Variants in NDUFS4 observed in about 807,000 individuals in gnomAD.
NDUFS4 encodes the protein NADH:ubiquinone oxidoreductase subunit S4, also known as NADH dehydrogenase [ubiquinone] iron-sulfur protein 4, mitochondrial.
Under a neutral mutation model 24.3 loss-of-function variants are expected in NDUFS4, and 28 were observed. The observed-to-expected ratio is 1.15, with a 90% CI of 0.85 to 1.58. NDUFS4 has a LOEUF of 1.58. Among genes scored for constraint, NDUFS4 ranks in the 40% most tolerant of loss-of-function variants. The pLI, the probability that NDUFS4 is intolerant of heterozygous loss-of-function variation, is 0.00. For missense variants in NDUFS4, 223 were observed against 207.9 expected (o/e 1.07, Z -0.45); for synonymous variants, 93 against 69.7 (o/e 1.34, Z -1.67).
chr5:53,653,144 G>A (rs1176683685), intron 3 of NDUFS4, among the ~76,000 whole-genome samples: 1 of 146,752 alleles, frequency 6.8e-6, no homozygotes, highest in Admixed American at 6.7e-5. Context: ...TGACTTCTGT[G>A]TTAAATTTTA....
intron 1 of NDUFS4, among the ~76,000 whole-genome samples, chr5:53,569,344 TA>T (rs1447669267): frequency 5.3e-5 from 8 of 152,182 alleles, no homozygotes; most frequent in African/African-American, 1.7e-4. Flanking sequence ...TTCAACCTTT[TA>T]AAAAATGTGA....
At chr5:53,639,412 A>G (rs1453017037) in intron 2 of NDUFS4, among the ~76,000 whole-genome samples, 1 of 151,936 alleles carries the variant, frequency 6.6e-6, no homozygotes, top group East Asian at 1.9e-4. Flanking sequence ...ATAAATTCAA[A>G]TTTATGTTCA....
intron 1 of NDUFS4, among the ~76,000 whole-genome samples, chr5:53,583,773 A>C (rs954773508): frequency 9.9e-5 from 15 of 152,174 alleles, no homozygotes; most frequent in Non-Finnish European, 5.9e-5. Flanking sequence ...CACTGGTGGG[A>C]GTAAATTTGG....
At chr5:53,627,256 C>T (rs1751258617) in intron 2 of NDUFS4, among the ~76,000 whole-genome samples, 1 of 152,084 alleles carries the variant, frequency 6.6e-6, no homozygotes, top group African/African-American at 2.4e-5. Context: ...GTTTTGGTAC[C>T]AGTACCATGT....
At chr5:53,603,991 G>T (rs1750417916) in intron 2 of NDUFS4, among the ~76,000 whole-genome samples, 1 of 151,914 alleles carries the variant, frequency 6.6e-6, no homozygotes, top group Non-Finnish European at 1.5e-5. Flanking sequence ...TTCTTCATAT[G>T]TATGAAGAAA....
At chr5:53,616,582 G>A (rs1468409137) in intron 2 of NDUFS4, among the ~76,000 whole-genome samples, 1 of 152,132 alleles carries the variant, frequency 6.6e-6, no homozygotes, top group African/African-American at 2.4e-5. Flanking sequence ...GTAGCTGGTA[G>A]TAGTCAAATA....
chr5:53,606,276 C>T (rs1750501421), intron 2 of NDUFS4, among the ~76,000 whole-genome samples: 1 of 152,168 alleles, frequency 6.6e-6, no homozygotes, highest in Admixed American at 6.5e-5. Context: ...ACAAGCATGG[C>T]ACCAGCATTG....
At chr5:53,603,845 C>T (rs963170721) in intron 2 of NDUFS4, among the ~76,000 whole-genome samples, 8 of 152,028 alleles carry the variant, frequency 5.3e-5, no homozygotes, top group African/African-American at 1.9e-4. Flanking sequence ...CTCAGTTACA[C>T]TCCTATTTAA....
intron 2 of NDUFS4, 47 bp downstream of exon 2, chr5:53,603,577 A>G: frequency 7.0e-7 from 1 of 1,435,392 alleles, no homozygotes; most frequent in Non-Finnish European, 9.8e-7. Context: ...CTTCAGGGTT[A>G]TTTTTGTACT....
intron 2 of NDUFS4, among the ~76,000 whole-genome samples, chr5:53,610,066 G>T (rs1475796752): frequency 2.6e-5 from 4 of 152,032 alleles, no homozygotes; most frequent in African/African-American, 7.2e-5. Context: ...TCACAACTTG[G>T]CTGTTTGGTG....
chr5:53,644,341 C>T (rs1310457792), intron 2 of NDUFS4, among the ~76,000 whole-genome samples: 1 of 151,986 alleles, frequency 6.6e-6, no homozygotes, highest in Admixed American at 6.6e-5. Context: ...GAAAAGATGC[C>T]CCACCCCATA....
intron 4 of NDUFS4, among the ~76,000 whole-genome samples, chr5:53,675,912 A>G (rs188124624): frequency 1.3e-5 from 2 of 152,208 alleles, no homozygotes; most frequent in East Asian, 3.9e-4. Flanking sequence ...AGGCTTAAGC[A>G]TAAGGTACAC....
chr5:53,614,324 T>G (rs1201481565), intron 2 of NDUFS4, among the ~76,000 whole-genome samples: 1 of 151,954 alleles, frequency 6.6e-6, no homozygotes, highest in East Asian at 1.9e-4. Flanking sequence ...TTACATGTAC[T>G]AAATATCACA....
At chr5:53,650,901 T>C (rs1751996130) in intron 3 of NDUFS4, among the ~76,000 whole-genome samples, 1 of 152,228 alleles carries the variant, frequency 6.6e-6, no homozygotes, top group Non-Finnish European at 1.5e-5. Flanking sequence ...TATGTAGTGA[T>C]TTAATACTCT....
chr5:53,657,899 TG>T (rs766114383), intron 3 of NDUFS4, among the ~76,000 whole-genome samples: 11 of 145,562 alleles, frequency 7.6e-5, no homozygotes, highest in South Asian at 6.5e-4. Flanking sequence ...TACTCCAGCC[TG>T]GGCGACAGAG....
chr5:53,569,246 T>C (rs1749138193), intron 1 of NDUFS4, among the ~76,000 whole-genome samples: 1 of 152,190 alleles, frequency 6.6e-6, no homozygotes, highest in Admixed American at 6.5e-5. Flanking sequence ...ACATGTGTAA[T>C]TTGAATTTAA....
intron 4 of NDUFS4, among the ~76,000 whole-genome samples, chr5:53,659,945 T>C (rs1354210192): frequency 6.6e-6 from 1 of 152,144 alleles, no homozygotes; most frequent in African/African-American, 2.4e-5. Context: ...GTTTAGAGAC[T>C]AGGGTCTGAC....
At chr5:53,629,368 G>T (rs1044771709) in intron 2 of NDUFS4, among the ~76,000 whole-genome samples, 3 of 152,144 alleles carry the variant, frequency 2.0e-5, no homozygotes, top group Non-Finnish European at 4.4e-5. Context: ...GATTTGGGGT[G>T]GGGAGTTCTG....
intron 1 of NDUFS4, among the ~76,000 whole-genome samples, chr5:53,600,744 G>C (rs1175783249): frequency 6.6e-6 from 1 of 152,152 alleles, no homozygotes; most frequent in African/African-American, 2.4e-5. Flanking sequence ...TTTCTGCTTA[G>C]AGGGTAGTTT....
Sources: allele counts gnomAD v4.1 joint callset (sites outside exome capture counted in the v4.1 genomes callset), GRCh38; gene constraint gnomAD v4.1.1; transcripts MANE v1.5; gene names NCBI Gene and HGNC (gene_info 2026-07-23, HGNC 2026-07-21).